Variants in TSHZ2 observed in about 807,000 individuals in gnomAD.
TSHZ2 encodes the protein teashirt homolog 2.
In TSHZ2, 21 loss-of-function variants were observed where a neutral mutation model predicts 74.4. The ratio of observed to expected loss-of-function variants is 0.28; its 90% CI spans 0.20 to 0.41. The LOEUF (loss-of-function observed/expected upper bound fraction) is 0.41. TSHZ2 is among the 10% of genes least tolerant of loss of function. TSHZ2 has a pLI of 1.00. For missense variants in TSHZ2, 1,244 were observed against 1,293.5 expected (o/e 0.96, Z 0.59); for synonymous variants, 540 against 515.3 (o/e 1.05, Z -0.65).
chr20:53,102,932 C>T (rs1206149281), intron 1 of TSHZ2, among the ~76,000 whole-genome samples: 6 of 151,584 alleles, frequency 4.0e-5, no homozygotes, highest in African/African-American at 1.5e-4. Flanking sequence ...AGGTTAGTTA[C>T]ATATGTATAC....
chr20:53,418,229 T>C (rs1328827276), intron 2 of TSHZ2, among the ~76,000 whole-genome samples: 1 of 152,166 alleles, frequency 6.6e-6, no homozygotes, highest in African/African-American at 2.4e-5. Flanking sequence ...CTAAAATGGG[T>C]GTGGGATCCT....
At chr20:53,098,983 G>A (rs750022771) in intron 1 of TSHZ2, among the ~76,000 whole-genome samples, 2 of 152,290 alleles carry the variant, frequency 1.3e-5, no homozygotes, top group East Asian at 1.9e-4. Context: ...AAGTCTTAGC[G>A]TGATTCCATT....
intron 1 of TSHZ2, among the ~76,000 whole-genome samples, chr20:53,102,144 A>T (rs1344858647): frequency 1.3e-5 from 2 of 152,184 alleles, no homozygotes; most frequent in Non-Finnish European, 2.9e-5. Flanking sequence ...TTGTATTTTG[A>T]TGGAAACTGA....
intron 2 of TSHZ2, among the ~76,000 whole-genome samples, chr20:53,299,480 C>T (rs1991438514): frequency 6.6e-6 from 1 of 152,124 alleles, no homozygotes; most frequent in South Asian, 2.1e-4. Context: ...CTGTTCTGTC[C>T]CAAGTATAAC....
chr20:53,473,341 C>A (rs1600668277), intron 2 of TSHZ2, among the ~76,000 whole-genome samples: 1 of 142,846 alleles, frequency 7.0e-6, no homozygotes, highest in African/African-American at 2.7e-5. Flanking sequence ...TCAAGTGGGT[C>A]CCTGACCCCT....
chr20:53,398,184 C>T (rs1378542816), intron 2 of TSHZ2: 2 of 152,082 alleles, frequency 1.3e-5, no homozygotes, highest in African/African-American at 4.8e-5. Context: ...CTCAGCACAT[C>T]CAGGAAGACT....
intron 2 of TSHZ2, among the ~76,000 whole-genome samples, chr20:53,444,723 G>A (rs1471574241): frequency 6.6e-6 from 1 of 152,204 alleles, no homozygotes; most frequent in Non-Finnish European, 1.5e-5. Flanking sequence ...CACAAGCCCT[G>A]TAACCTTTGG....
chr20:53,475,261 A>G (rs1246067234), intron 2 of TSHZ2, among the ~76,000 whole-genome samples: 10 of 124,966 alleles, frequency 8.0e-5, no homozygotes, highest in Non-Finnish European at 1.2e-4. Context: ...CTTGGAAGTA[A>G]AGCTCTCCTC....
At chr20:53,310,867 A>G (rs958051712) in intron 2 of TSHZ2, among the ~76,000 whole-genome samples, 1 of 152,236 alleles carries the variant, frequency 6.6e-6, no homozygotes, top group Non-Finnish European at 1.5e-5. Flanking sequence ...GGTTAAAAGC[A>G]AGTTACAAGT....
At chr20:53,293,700 C>CAAAAAA (rs11476117) in intron 2 of TSHZ2, among the ~76,000 whole-genome samples, 1 of 120,236 alleles carries the variant, frequency 8.3e-6, no homozygotes, top group Non-Finnish European at 1.7e-5. Context: ...AACTGGCTCT[C>CAAAAAA]AAAAAAAAAA....
intron 2 of TSHZ2, among the ~76,000 whole-genome samples, chr20:53,366,922 G>T (rs1326794358): frequency 6.6e-6 from 1 of 152,132 alleles, no homozygotes; most frequent in African/African-American, 2.4e-5. Context: ...ACTTCTATCA[G>T]TTCAACTTTG....
intron 2 of TSHZ2, among the ~76,000 whole-genome samples, chr20:53,344,490 G>A (rs1168896142): frequency 6.6e-6 from 1 of 152,008 alleles, no homozygotes; most frequent in East Asian, 1.9e-4. Context: ...AAAGATTTTT[G>A]GATAAAAACT....
intron 2 of TSHZ2, among the ~76,000 whole-genome samples, chr20:53,303,387 C>A (rs1028924409): frequency 6.6e-6 from 1 of 152,200 alleles, no homozygotes; most frequent in Non-Finnish European, 1.5e-5. Flanking sequence ...AAAAAGCCTT[C>A]ATTTAAATTT....
intron 1 of TSHZ2, among the ~76,000 whole-genome samples, chr20:53,202,773 T>C (rs1568809939): frequency 6.6e-6 from 1 of 152,188 alleles, no homozygotes; most frequent in African/African-American, 2.4e-5. Flanking sequence ...AGGTTTAGCA[T>C]TGGAAGCTAG....
intron 2 of TSHZ2, among the ~76,000 whole-genome samples, chr20:53,269,397 T>A (rs751220443): frequency 6.6e-6 from 1 of 152,138 alleles, no homozygotes; most frequent in Non-Finnish European, 1.5e-5. Context: ...AAAAATGGAA[T>A]GTAGCATTAA....
intron 1 of TSHZ2, among the ~76,000 whole-genome samples, chr20:53,201,991 CCTCT>C (rs200955416): frequency 6.6e-6 from 1 of 152,246 alleles, no homozygotes; most frequent in South Asian, 2.1e-4. Flanking sequence ...CAGGTGTAAG[CCTCT>C]CTCTCTGCCC....
chr20:53,484,408 C>T (rs1568938120), intron 2 of TSHZ2, among the ~76,000 whole-genome samples: 1 of 131,382 alleles, frequency 7.6e-6, no homozygotes, highest in African/African-American at 2.9e-5. Context: ...TTTTTTAAGA[C>T]AGAGTCTCAC....
At chr20:53,262,579 C>G (rs1990625742) in intron 2 of TSHZ2, among the ~76,000 whole-genome samples, 1 of 152,202 alleles carries the variant, frequency 6.6e-6, no homozygotes, top group African/African-American at 2.4e-5. Context: ...CTTGACACTT[C>G]ACATAAAAAT....
At chr20:53,474,510 C>T (rs201663143) in intron 2 of TSHZ2, among the ~76,000 whole-genome samples, 11,468 of 104,900 alleles carry the variant, frequency 0.11, 558 homozygotes, top group East Asian at 0.19. Context: ...GAAGGAAGCG[C>T]TAAACATGGA....
Sources: allele counts gnomAD v4.1 joint callset (sites outside exome capture counted in the v4.1 genomes callset), GRCh38; gene constraint gnomAD v4.1.1; transcripts MANE v1.5; gene names NCBI Gene and HGNC (gene_info 2026-07-23, HGNC 2026-07-21).